ITK: variants seen among roughly 807,000 people sequenced by gnomAD.
The protein encoded by ITK is tyrosine-protein kinase ITK/TSK.
In ITK, 45 loss-of-function variants were observed where a neutral mutation model predicts 87.6. The ratio of observed to expected loss-of-function variants is 0.51; its 90% CI spans 0.40 to 0.66. ITK has a LOEUF of 0.66. Ranked by LOEUF, ITK falls within the 30% of genes least tolerant of loss-of-function variation. The pLI is 0.00. For synonymous variants in ITK, 303 were observed against 273.6 expected (o/e 1.11, Z -1.06); for missense variants, 605 against 766.3 (o/e 0.79, Z 2.48).
chr5:157,223,122 T>A, intron 6 of ITK, 108 bp downstream of exon 6: 2 of 1,344,172 alleles, frequency 1.5e-6, no homozygotes, highest in Non-Finnish European at 2.1e-6. Flanking sequence ...AGCACTGAGG[T>A]GGGAGAAGAG....
chr5:157,187,695 C>G (rs555051269), intron 1 of ITK, among the ~76,000 whole-genome samples: 3 of 152,232 alleles, frequency 2.0e-5, no homozygotes, highest in African/African-American at 7.2e-5. Flanking sequence ...CGGGTCCCAG[C>G]CCTCAACTCT....
rs558768228 is a variant in ITK at position 157,249,191 on chromosome 5, C to T, written c.1791+184C>T. Reference sequence around the variant, plus strand: ...CCCCCATCCCTAAAGGAGCTGAAGGCGACCTTAAATATTATTTGGTTTGCT... The same window carrying T: ...CCCCCATCCCTAAAGGAGCTGAAGGTGACCTTAAATATTATTTGGTTTGCT... On this transcript the variant is annotated intron_variant, in intron 16 of 16. Transcript: ENST00000422843. 2.8e-4 allele frequency among the ~76,000 whole-genome samples: 43 copies of T among 152,320 alleles called. No individual in the cohort carries two copies. In the South Asian group the frequency reaches 8.7e-3, roughly 31 times the overall value.
intron 8 of ITK, among the ~76,000 whole-genome samples, chr5:157,233,637 C>T (rs1754703015): frequency 6.6e-6 from 1 of 152,170 alleles, no homozygotes; most frequent in Admixed American, 6.5e-5. Flanking sequence ...ATGTAGCCAA[C>T]TCAAACCTGG....
At chr5:157,240,392 G>A (rs144715799) in intron 10 of ITK, 197 bp downstream of exon 10, 70 of 626,640 alleles carry the variant, frequency 1.1e-4, no homozygotes, top group African/African-American at 6.3e-4. Flanking sequence ...CTGATGATCT[G>A]AGATGGAACA....
intron 4 of ITK, among the ~76,000 whole-genome samples, chr5:157,215,987 G>C (rs2113756863): frequency 1.3e-5 from 2 of 152,284 alleles, no homozygotes; most frequent in South Asian, 4.1e-4. Flanking sequence ...ATGCTGAGCT[G>C]TTCCCCATGT....
chr5:157,216,806 A>G (rs1299945138), intron 4 of ITK, among the ~76,000 whole-genome samples: 2 of 152,166 alleles, frequency 1.3e-5, no homozygotes, highest in Non-Finnish European at 2.9e-5. Context: ...TTCCTATTAC[A>G]GGGGTTTTCC....
At chr5:157,245,510 A>G in intron 13 of ITK, 1 of 616,946 alleles carries the variant, frequency 1.6e-6, no homozygotes, top group East Asian at 2.8e-5. Flanking sequence ...ATGAAGATAA[A>G]CTTACTCATC....
chr5:157,248,760 C>T (rs1755071786), intron 15 of ITK, 90 bp from the exon 16 acceptor site: 4 of 1,417,486 alleles, frequency 2.8e-6, no homozygotes, highest in Admixed American at 1.7e-5. Context: ...AATCCTAATG[C>T]AAGGAGTCTG....
chr5:157,198,124 A>G (rs1753886707), intron 1 of ITK, among the ~76,000 whole-genome samples: 1 of 86,420 alleles, frequency 1.2e-5, no homozygotes, highest in Admixed American at 1.3e-4. Context: ...ATCTCTTAAG[A>G]AAAAAAAAAA....
At chr5:157,228,128 C>T (rs750405264) in intron 6 of ITK, among the ~76,000 whole-genome samples, 168 bp from the exon 7 acceptor site, 12 of 152,144 alleles carry the variant, frequency 7.9e-5, no homozygotes, top group Middle Eastern at 3.4e-3. Flanking sequence ...CATGAGCCAC[C>T]GCCCCCGGCC....
At chr5:157,198,695 C>T (rs1378861881) in intron 1 of ITK, among the ~76,000 whole-genome samples, 2 of 152,152 alleles carry the variant, frequency 1.3e-5, no homozygotes, top group South Asian at 2.1e-4. Flanking sequence ...CAGCTCATTG[C>T]AAATTGCTCT....
intron 1 of ITK, among the ~76,000 whole-genome samples, chr5:157,207,043 A>T (rs1754091829): frequency 6.6e-6 from 1 of 152,188 alleles, no homozygotes; most frequent in Non-Finnish European, 1.5e-5. Flanking sequence ...AAACAAAAAA[A>T]CTAATATGCA....
intron 1 of ITK, among the ~76,000 whole-genome samples, chr5:157,201,277 T>C: frequency 6.7e-6 from 1 of 148,892 alleles, no homozygotes; most frequent in East Asian, 2.0e-4. Context: ...TCTGTAAGTT[T>C]GGGAACAAGA....
At chr5:157,213,692 C>A in intron 3 of ITK, 1 of 371,392 alleles carries the variant, frequency 2.7e-6, no homozygotes. Flanking sequence ...CTGTTCTGTG[C>A]CTTATGTATG....
intron 13 of ITK, chr5:157,244,957 G>A (rs913535037): frequency 9.5e-6 from 2 of 210,696 alleles, no homozygotes; most frequent in South Asian, 1.5e-4. Flanking sequence ...TGGGTGCGGT[G>A]GCTCATGCCT....
At chr5:157,181,584 G>T (rs1753519819) in intron 1 of ITK, among the ~76,000 whole-genome samples, 1 of 152,098 alleles carries the variant, frequency 6.6e-6, no homozygotes, top group Admixed American at 6.5e-5. Flanking sequence ...TTAAGTTTTG[G>T]GTTCAGTGTT....
In ITK at chr5:157,208,744, G is replaced by T. The variant is rs61673585; in HGVS notation, c.139-145G>T. On this transcript the variant is annotated intron_variant, in intron 1 of 16. Transcript: ENST00000422843. ...GTGTTTATCCCACACTTAGGGCCAG[G>T]AGGCAGTTTTGGATATTTGGTTTGG... 5.9e-6 allele frequency: 4 copies of T among 676,030 alleles called. No homozygotes were observed. In the African/African-American group the frequency reaches 7.1e-5, roughly 12 times the overall value. The allele number at this position is 676,030 out of a possible 1,614,324, so 41.9% of individuals were successfully genotyped here. A position where few individuals can be genotyped will look rare whatever the true frequency, so the allele number is the denominator to read the frequency against.
In ITK at chr5:157,241,704, A is replaced by C. The variant is rs371411291; in HGVS notation, c.1044A>C (p.Thr348=). Residue 348 remains threonine (T), a synonymous_variant, in exon 11 of 17, where the codon ACA becomes ACC. Transcript: ENST00000422843. The stretch of plus-strand genomic sequence containing the variant: ...TTGGGAGGCAGAAAGCCCCAGTTAC[A>C]GCAGGGCTGAGATACGGTGAGCAGT... ...VCFGRQKAPV[T]AGLRYGKWVI... The C allele has an allele frequency of 2.5e-6, 4 of 1,613,202 alleles. No individual in the cohort carries two copies. In the African/African-American group the frequency reaches 5.3e-5, roughly 22 times the overall value.
intron 3 of ITK, 119 bp downstream of exon 3, chr5:157,211,487 T>C (rs1754191569): frequency 1.1e-6 from 1 of 879,252 alleles, no homozygotes; most frequent in African/African-American, 1.6e-5. Context: ...TCTTTTGGGG[T>C]TGGTGGAAGT....
Sources: gnomAD v4.1 joint callset for allele counts (sites outside exome capture counted in the v4.1 genomes callset) on GRCh38, gnomAD v4.1.1 for gene constraint, MANE v1.5 for transcripts, NCBI Gene and HGNC (gene_info 2026-07-23, HGNC 2026-07-21) for gene names.